The following KIF18B variants were observed in gnomAD, a reference collection of about 807,000 sequenced individuals.
KIF18B encodes kinesin-like protein KIF18B.
A neutral mutation model predicts 80.9 loss-of-function variants in KIF18B; 49 were observed. The ratio of observed to expected loss-of-function variants is 0.61; its 90% CI spans 0.48 to 0.77. The LOEUF is 0.77. Ranked by LOEUF, KIF18B falls within the 30% of genes least tolerant of loss-of-function variation. KIF18B has a pLI of 0.00. For synonymous variants in KIF18B, 439 were observed against 463.9 expected, an observed-to-expected ratio of 0.95 and a Z score of 0.69; for missense variants, 994 against 1,127.7, an observed-to-expected ratio of 0.88 and a Z score of 1.70.
intron 1 of KIF18B, among the ~76,000 whole-genome samples, chr17:44,943,449 G>A (rs944793476): frequency 2.0e-5 from 3 of 152,092 alleles, no homozygotes; most frequent in Non-Finnish European, 2.9e-5. Context: ...TGATGATAGC[G>A]TTGTTAGTTT....
chr17:44,930,252 C>T (rs964863216), intron 11 of KIF18B, among the ~76,000 whole-genome samples: 47 of 152,226 alleles, frequency 3.1e-4, no homozygotes, highest in Admixed American at 1.7e-3. Context: ...CTGGCCCCGT[C>T]CCTCTTGCTA....
rs1414035090 is a variant in KIF18B, at chr17:44,936,072, G to A, written c.273C>T (p.His91=). 6 of 1,613,814 alleles carry A rather than the reference G, an allele frequency of 3.7e-6. No homozygotes were observed. Among genetic ancestry groups the A allele is most frequent in the Non-Finnish European group, 5.1e-6 (6 of 1,179,890 alleles). Residue 91 remains histidine, a synonymous_variant, in exon 2 of 16, where the codon CAC becomes CAT. Transcript: ENST00000593135. ...TQQDVFQHTT[H]SVLDSFLQGY... is the part of the protein sequence containing the mutation. ...CCTGGAGGAAGCTGTCCAGGACGCTGTGCGTGGTGTGCTGGAACACGTCCT... is the reference window on the plus strand; with the variant it reads ...CCTGGAGGAAGCTGTCCAGGACGCTATGCGTGGTGTGCTGGAACACGTCCT...
intron 14 of KIF18B, 124 bp from the exon 15 acceptor site, chr17:44,926,623 G>T: frequency 1.0e-6 from 1 of 963,530 alleles, no homozygotes; most frequent in Non-Finnish European, 1.5e-6. Flanking sequence ...CTGGGCACCA[G>T]CAGGAGCTTC....
intron 1 of KIF18B, among the ~76,000 whole-genome samples, chr17:44,940,050 G>C (rs2052387170): frequency 6.6e-6 from 1 of 152,184 alleles, no homozygotes; most frequent in African/African-American, 2.4e-5. Context: ...CAAAGTGTTG[G>C]GATTACAGGC....
intron 1 of KIF18B, among the ~76,000 whole-genome samples, chr17:44,939,755 T>G (rs2052381145): frequency 6.6e-6 from 1 of 152,200 alleles, no homozygotes; most frequent in African/African-American, 2.4e-5. Flanking sequence ...ATATATTTCT[T>G]GATAGGTTTA....
rs750090525 is a variant in KIF18B, at chr17:44,934,340, G to A, written c.778C>T (p.Arg260Trp). 6.3e-5 allele frequency: 101 copies of A among 1,607,786 alleles called. No homozygotes were observed. The highest frequency in any genetic ancestry group is 8.2e-5 in the Non-Finnish European group (97 of 1,177,134). Residue 260 changes from arginine (R) to tryptophan (W), a missense_variant, in exon 6 of 16, where the codon CGG becomes TGG. Arg to Trp is a moderately radical substitution (Grantham distance 101). Coordinates refer to ENST00000593135, the MANE Select transcript of KIF18B (RefSeq NM_001265577.2). The surrounding 1 kb of genome is among the most constrained non-coding windows in gnomAD (Gnocchi z 5.4). ...CCCTTCGCATGGGTGCTGGATGCCC[G>A]CTCTGAGCCAGCCAGGTCAATCAGG... ...MSLIDLAGSE[R>W]ASSTHAKGER... is the part of the protein sequence containing the mutation.
At chr17:44,935,073 A>T in intron 3 of KIF18B, 138 bp from the exon 4 acceptor site, 1 of 875,184 alleles carries the variant, frequency 1.1e-6, no homozygotes, top group Non-Finnish European at 1.7e-6. Context: ...ACTGTGTTAC[A>T]TGACCACAGC....
intron 2 of KIF18B, among the ~76,000 whole-genome samples, chr17:44,935,786 A>C (rs2052275340): frequency 1.3e-5 from 2 of 152,160 alleles, no homozygotes. Context: ...GACTGTAAGC[A>C]CCAAGTGGAC....
At chr17:44,947,512 C>T (rs2052534981) in intron 1 of KIF18B, 116 bp downstream of exon 1, 1 of 152,358 alleles carries the variant, frequency 6.6e-6, no homozygotes, top group Admixed American at 6.5e-5. Context: ...CGCACCTTGA[C>T]GTCCAGCACA....
At chr17:44,945,226 AAT>A (rs2052489062) in intron 1 of KIF18B, among the ~76,000 whole-genome samples, 1 of 151,960 alleles carries the variant, frequency 6.6e-6, no homozygotes, top group East Asian at 1.9e-4. Context: ...CACACCCCCC[AAT>A]TTTAAATTTT....
intron 1 of KIF18B, among the ~76,000 whole-genome samples, chr17:44,941,579 T>C (rs948024972): frequency 1.3e-5 from 2 of 152,172 alleles, no homozygotes; most frequent in African/African-American, 4.8e-5. Flanking sequence ...CCTCAGGTGA[T>C]CCGCCTGCCT....
chr17:44,932,376 G>T, intron 9 of KIF18B, 170 bp from the exon 10 acceptor site: 1 of 699,194 alleles, frequency 1.4e-6, no homozygotes, highest in Non-Finnish European at 2.3e-6. Flanking sequence ...ATGGGCAGTA[G>T]CTGAGGGTAG....
Position 44,927,118 on chromosome 17 carries a change from A to G in KIF18B, c.2277-40T>C, listed in dbSNP as rs1170748839. On this transcript the variant is annotated intron_variant, in intron 13 of 15. Coordinates refer to ENST00000593135, the MANE Select transcript of KIF18B (RefSeq NM_001265577.2). This position sits in a 1 kb window ranked among gnomAD's most constrained non-coding sequence, Gnocchi z 4.1. ...CAGGGAAGGAGGCTGATCAGCAGGG[A>G]ACCGGAAGCAAGGCCAGCCACTTCC... is the stretch of plus-strand genomic sequence containing the variant. 6.7e-7 allele frequency: 1 copy of G among 1,499,102 alleles called. No homozygotes were observed. The highest frequency in any genetic ancestry group is 2.0e-5 in the Admixed American group (1 of 51,026). 92.9% of individuals were successfully genotyped at this position (1,499,102 alleles called of 1,614,324 possible).
intron 14 of KIF18B, among the ~76,000 whole-genome samples, 172 bp downstream of exon 14, chr17:44,926,817 C>T (rs928067131): frequency 6.6e-6 from 1 of 152,132 alleles, no homozygotes; most frequent in Non-Finnish European, 1.5e-5. Flanking sequence ...TAGCAAGGGC[C>T]AAGGAAACCT....
At chr17:44,930,990 G>C (rs1334248475) in intron 11 of KIF18B, among the ~76,000 whole-genome samples, 1 of 152,206 alleles carries the variant, frequency 6.6e-6, no homozygotes, top group African/African-American at 2.4e-5. Flanking sequence ...CTAGCATGAA[G>C]CGTGCTGGGG....
At chr17:44,935,512 T>C in intron 2 of KIF18B, 96 bp from the exon 3 acceptor site, 1 of 1,286,606 alleles carries the variant, frequency 7.8e-7, no homozygotes. Context: ...TCCTCCTGTG[T>C]TCCCTGGTCC....
At chr17:44,930,779 G>T (rs890830976) in intron 11 of KIF18B, among the ~76,000 whole-genome samples, 5 of 152,126 alleles carry the variant, frequency 3.3e-5, no homozygotes, top group Admixed American at 6.5e-5. Flanking sequence ...GCTCATGGTT[G>T]TTCCCTGGGA....
intron 1 of KIF18B, among the ~76,000 whole-genome samples, chr17:44,944,237 ATT>A (rs111836739): frequency 1.6e-4 from 23 of 147,224 alleles, no homozygotes; most frequent in Non-Finnish European, 2.4e-4. Context: ...TTGACTTGTA[ATT>A]TTTTTTTTTT....
At position 44,927,880 on chromosome 17, in the gene KIF18B, G is replaced by T; in HGVS notation, c.2276+146C>A. On this transcript the variant is annotated intron_variant, in intron 13 of 15. Coordinates refer to ENST00000593135, the MANE Select transcript of KIF18B (RefSeq NM_001265577.2). This position sits in a 1 kb window ranked among gnomAD's most constrained non-coding sequence, Gnocchi z 4.1. ...CTCCCTGGCAGCTGTTGGGCCTGGG[G>T]AGCAAAGCGGATCACAACCAAAGTG... 1 of 715,066 alleles carries T rather than the reference G, an allele frequency of 1.4e-6. No homozygotes were observed. 44.3% of individuals were successfully genotyped at this position (715,066 alleles called of 1,614,324 possible).
Sources: allele counts gnomAD v4.1 joint callset (sites outside exome capture counted in the v4.1 genomes callset), GRCh38; gene constraint gnomAD v4.1.1; non-coding constraint Gnocchi (gnomAD v3.1); transcripts MANE v1.5; gene names NCBI Gene and HGNC (gene_info 2026-07-23, HGNC 2026-07-21).